LILRB5: variants seen among roughly 807,000 people sequenced by gnomAD.
The protein encoded by LILRB5 is leukocyte immunoglobulin-like receptor subfamily B member 5.
Under a neutral mutation model 68.4 loss-of-function variants are expected in LILRB5, and 61 were observed. That is an observed-to-expected ratio of 0.89 (90% CI 0.73 to 1.10). LILRB5 has a LOEUF of 1.10. LILRB5 is among the 50% of genes least tolerant of loss of function. The probability of loss-of-function intolerance (pLI) is 0.00; values close to 1 mark genes in which losing one functional copy is unlikely to be tolerated. For synonymous variants in LILRB5, 356 were observed against 315.8 expected (o/e 1.13, Z -1.35); for missense variants, 771 against 751.6 (o/e 1.03, Z -0.30).
intron 4 of LILRB5, 183 bp from the exon 5 acceptor site, chr19:54,255,765 C>G: frequency 2.6e-6 from 2 of 779,864 alleles, no homozygotes; most frequent in Non-Finnish European, 4.0e-6. Flanking sequence ...GTCTCTCTGA[C>G]TCCTGGCCAC....
At position 54,256,078 on chromosome 19, in the gene LILRB5, G is replaced by C. The variant is rs751926134; in HGVS notation, c.620C>G (p.Ser207Trp). 1.3e-6 allele frequency: 2 copies of C among 1,569,138 alleles called. No homozygotes were observed. Among genetic ancestry groups the C allele is most frequent in the Admixed American group, 2.0e-5 (1 of 50,812 alleles). ...YYYRKNPQVW[S>W]NPSDLLEILV... Reference sequence around the variant, plus strand: ...AATCTCCAGGAGGTCACTGGGGTTCGACCACACCTGAGGGTTTTTCCTGTA... The same window carrying C: ...AATCTCCAGGAGGTCACTGGGGTTCCACCACACCTGAGGGTTTTTCCTGTA... The change falls in exon 4 of 13, where the codon TCG becomes TGG. Residue 207 changes from serine (S) to tryptophan (W), a missense_variant. Coordinates refer to ENST00000449561, the MANE Select transcript of LILRB5 (RefSeq NM_001081442.3).
Position 54,252,419 on chromosome 19 carries a change from G to T in LILRB5, c.1539-16C>A. ...TGGGCTGGCCCTGGGGGAGGACACG[G>T]GAGTGTGAGGGGCAGTGAGGGGGCT... On this transcript the variant is annotated splice_polypyrimidine_tract_variant and intron_variant, in intron 10 of 12. Coordinates refer to ENST00000449561, the MANE Select transcript of LILRB5 (RefSeq NM_001081442.3). 6.2e-7 allele frequency: 1 copy of T among 1,614,142 alleles called. No homozygotes were observed. The highest frequency in any genetic ancestry group is 8.5e-7 in the Non-Finnish European group (1 of 1,180,012).
chr19:54,254,149 C>T (rs2079044787), intron 7 of LILRB5, 81 bp from the exon 8 acceptor site: 1 of 1,541,630 alleles, frequency 6.5e-7, no homozygotes, highest in Non-Finnish European at 8.8e-7. Flanking sequence ...AGGCTGGGCC[C>T]CAACACCCAA....
Position 54,250,184 on chromosome 19 carries a change from T to TC in LILRB5, c.*601dup. The TC allele has an allele frequency of 6.5e-6, 1 of 153,060 alleles. No homozygotes were observed. The allele number at this position is 153,060 out of a possible 1,614,324, so 9.5% of individuals were successfully genotyped here. A position where few individuals can be genotyped will look rare whatever the true frequency, so the allele number is the denominator to read the frequency against. ...AATATGTGTCAGATTTGTGGTGGTG[T>TC]CTGCTGTTTCACCCCCATATGGAAA... On this transcript the variant is annotated 3_prime_UTR_variant, in exon 13 of 13. Coordinates refer to ENST00000449561, the MANE Select transcript of LILRB5 (RefSeq NM_001081442.3).
rs899577300 is a variant in LILRB5 at position 54,253,839 on chromosome 19, A to C, written c.1357+179T>G. ...GTCACTGCTGCCGGTGGGACAGGAC[A>C]GTCCCCTGAAGAATCCCATCAATGC... On this transcript the variant is annotated intron_variant, in intron 8 of 12. Coordinates refer to ENST00000449561, the MANE Select transcript of LILRB5 (RefSeq NM_001081442.3). 4.0e-6 allele frequency: 6 copies of C among 1,487,266 alleles called. No individual in the cohort carries two copies. In the African/African-American group the frequency reaches 4.2e-5, roughly 10 times the overall value. The allele number at this position is 1,487,266 out of a possible 1,614,324, so 92.1% of individuals were successfully genotyped here.
chr19:54,256,354 G>A lies in LILRB5; in HGVS notation c.356-12C>T. On this transcript the variant is annotated splice_polypyrimidine_tract_variant and intron_variant, in intron 3 of 12. Transcript: ENST00000449561. Reference sequence around the variant, plus strand: ...TTCTGCATAGAATCCTAGCAGAGAAGGAGGCACGTCTTAAGTGGGGCTCCG... The same window carrying A: ...TTCTGCATAGAATCCTAGCAGAGAAAGAGGCACGTCTTAAGTGGGGCTCCG... The A allele has an allele frequency of 6.3e-7, 1 of 1,596,126 alleles. No homozygotes were observed. Among genetic ancestry groups the A allele is most frequent in the Non-Finnish European group, 8.5e-7 (1 of 1,170,088 alleles).
Position 54,255,466 on chromosome 19 carries a change from C to T in LILRB5, c.772G>A (p.Glu258Lys). 1 of 1,614,130 alleles carries T rather than the reference C, an allele frequency of 6.2e-7. No homozygotes were observed. Among genetic ancestry groups the T allele is most frequent in the East Asian group, 2.2e-5 (1 of 44,880 alleles). The change falls in exon 5 of 13, where the codon GAG becomes AAG. Residue 258 changes from glutamate to lysine, a missense_variant. Glu to Lys is a moderately conservative substitution (Grantham distance 56). Coordinates refer to ENST00000449561, the MANE Select transcript of LILRB5 (RefSeq NM_001081442.3). ...CCCTGGACGAGGTCATGTTCCCCCT[C>T]CTTGTACAGAACGAATATGTCATAG... ...VGYDIFVLYK[E>K]GEHDLVQGSG...
In LILRB5 at chr19:54,255,271, C is replaced by A. The variant is rs188922653; in HGVS notation, c.952+15G>T. 1 of 1,611,370 alleles carries A rather than the reference C, an allele frequency of 6.2e-7. No individual in the cohort carries two copies. Among genetic ancestry groups the A allele is most frequent in the Admixed American group, 1.7e-5 (1 of 59,938 alleles). On this transcript the variant is annotated intron_variant, in intron 5 of 12. Transcript: ENST00000449561. The stretch of plus-strand genomic sequence containing the variant: ...CAGAGCCTGGGTCCCTGACTGAACC[C>A]GCTGGGCTCCTCACCTGCGATCAGG...
In LILRB5 at chr19:54,257,224, AG is replaced by A; in HGVS notation, c.-32del. On this transcript the variant is annotated 5_prime_UTR_variant, in exon 1 of 13. Transcript: ENST00000449561. ...CAGCTCCCACTGGACTCAGCTGTGC[AG>A]GCGGATGAGACCACGGTGCCTGGCA... 2 of 1,614,096 alleles carry A rather than the reference AG, an allele frequency of 1.2e-6. No individual in the cohort carries two copies. Among genetic ancestry groups the A allele is most frequent in the Non-Finnish European group, 1.7e-6 (2 of 1,179,976 alleles).
intron 8 of LILRB5, 132 bp from the exon 9 acceptor site, chr19:54,253,119 C>T (rs560319566): frequency 2.6e-6 from 1 of 384,680 alleles, no homozygotes; most frequent in Admixed American, 4.0e-5. Context: ...GATTGCCAAC[C>T]CCCCAATTCA....
In LILRB5 at chr19:54,253,892, A is replaced by T. The variant is rs2079034821; in HGVS notation, c.1357+126T>A. ...GCCTCTCTCCTTTACACTTGGAGAAACTGAGGCCCAGGCAGGGGAAGGGCT... is the reference window on the plus strand; with the variant it reads ...GCCTCTCTCCTTTACACTTGGAGAATCTGAGGCCCAGGCAGGGGAAGGGCT... On this transcript the variant is annotated intron_variant, in intron 8 of 12. Transcript: ENST00000449561. The T allele has an allele frequency of 3.3e-6, 5 of 1,534,428 alleles. No individual in the cohort carries two copies. The East Asian group carries it at 1.2e-4, about 38-fold the overall frequency.
intron 9 of LILRB5, 27 bp from the exon 10 acceptor site, chr19:54,252,576 G>T: frequency 6.2e-7 from 1 of 1,612,712 alleles, no homozygotes; most frequent in Non-Finnish European, 8.5e-7. Flanking sequence ...AGAGGGTCAG[G>T]CCTGGGAGAA....
Position 54,256,158 on chromosome 19 carries a change from G to C in LILRB5, c.540C>G (p.Phe180Leu). 2 of 1,613,382 alleles carry C rather than the reference G, an allele frequency of 1.2e-6. No individual in the cohort carries two copies. The highest frequency in any genetic ancestry group is 1.7e-4 in the Middle Eastern group (1 of 6,058). Residue 180 changes from phenylalanine to leucine, a missense_variant, in exon 4 of 13, where the codon TTC becomes TTG. Transcript: ENST00000449561. ...KLPKGPSQAL[F>L]PVGPVTPSCR... is the part of the protein sequence containing the mutation. ...AGCTGGGGGTCACGGGACCCACAGGGAACAGGGCCTGGGATGGCCCTTTGG... is the reference window on the plus strand; with the variant it reads ...AGCTGGGGGTCACGGGACCCACAGGCAACAGGGCCTGGGATGGCCCTTTGG...
In LILRB5 at chr19:54,253,548, G is replaced by A. The variant is rs574768280; in HGVS notation, c.1357+470C>T. The A allele has an allele frequency of 3.7e-5, 14 of 376,072 alleles. 1 individual carries two copies. In the Admixed American group the frequency reaches 3.9e-4, roughly 11 times the overall value. The allele number at this position is 376,072 out of a possible 1,614,324, so 23.3% of individuals were successfully genotyped here. A position where few individuals can be genotyped will look rare whatever the true frequency, so the allele number is the denominator to read the frequency against. On this transcript the variant is annotated intron_variant, in intron 8 of 12. Coordinates refer to ENST00000449561, the MANE Select transcript of LILRB5 (RefSeq NM_001081442.3). The stretch of plus-strand genomic sequence containing the variant: ...GGTGCCCCTGCCGAGCTGTGTACAG[G>A]GCCAGGTCCCATGATTTTGCTTACG...
chr19:54,254,470 C>G, intron 6 of LILRB5, 55 bp from the exon 7 acceptor site: 1 of 1,521,526 alleles, frequency 6.6e-7, no homozygotes, highest in South Asian at 1.2e-5. Flanking sequence ...TGAGGAAACC[C>G]GTCCCTCCAC....
chr19:54,252,779 T>C, intron 9 of LILRB5, 92 bp downstream of exon 9: 1 of 1,288,602 alleles, frequency 7.8e-7, no homozygotes, highest in Non-Finnish European at 1.1e-6. Flanking sequence ...GCAGTTTTTC[T>C]AAGCTGACTT....
intron 6 of LILRB5, 125 bp downstream of exon 6, chr19:54,254,610 C>T: frequency 7.5e-7 from 1 of 1,331,630 alleles, no homozygotes; most frequent in Non-Finnish European, 1.1e-6. Flanking sequence ...GTGAGTCTCC[C>T]TCTGGCTGAG....
chr19:54,254,165 C>T, intron 7 of LILRB5, 97 bp from the exon 8 acceptor site: 2 of 1,528,362 alleles, frequency 1.3e-6, no homozygotes, highest in South Asian at 2.4e-5. Context: ...CCCAACATCT[C>T]TCTCTGCCTC....
chr19:54,250,495 G>A lies in LILRB5; in HGVS notation c.*291C>T. 2.3e-6 allele frequency: 1 copy of A among 430,828 alleles called. No individual in the cohort carries two copies. Among genetic ancestry groups the A allele is most frequent in the Non-Finnish European group, 4.1e-6 (1 of 243,802 alleles). The allele number at this position is 430,828 out of a possible 1,614,324, so 26.7% of individuals were successfully genotyped here. On this transcript the variant is annotated 3_prime_UTR_variant, in exon 13 of 13. Coordinates refer to ENST00000449561, the MANE Select transcript of LILRB5 (RefSeq NM_001081442.3). ...GTTTTCCGATTTCATCATTTAATGTGTAATATTTACATTATCATTCCAAAT... is the reference window on the plus strand; with the variant it reads ...GTTTTCCGATTTCATCATTTAATGTATAATATTTACATTATCATTCCAAAT...
Sources: allele counts gnomAD v4.1 joint callset, GRCh38; gene constraint gnomAD v4.1.1; transcripts MANE v1.5; gene names NCBI Gene and HGNC (gene_info 2026-07-23, HGNC 2026-07-21).